Variants in SHROOM3 observed in about 807,000 individuals in gnomAD.
SHROOM3 encodes the protein protein Shroom3.
In SHROOM3, 47 loss-of-function variants were observed where a neutral mutation model predicts 138.6. The ratio of observed to expected loss-of-function variants is 0.34; its 90% confidence interval spans 0.27 to 0.43. The LOEUF is 0.43. Among genes scored for constraint, SHROOM3 ranks in the 20% least tolerant of loss-of-function variants. The pLI, the probability that SHROOM3 is intolerant of heterozygous loss-of-function variation, is 1.00. For synonymous variants in SHROOM3, 1,062 were observed against 1,063.3 expected (o/e 1.00, Z 0.02); for missense variants, 2,491 against 2,596.5 (o/e 0.96, Z 0.88).
intron 2 of SHROOM3, chr4:76,639,489 G>A (rs1735599601): frequency 2.5e-6 from 1 of 398,012 alleles, no homozygotes; most frequent in African/African-American, 2.1e-5. Context: ...TGCGTGGTGA[G>A]TAAGAGCCTC....
chr4:76,689,082 C>T, intron 2 of SHROOM3: 1 of 392,798 alleles, frequency 2.5e-6, no homozygotes, highest in Non-Finnish European at 3.5e-6. Flanking sequence ...TGATATTTTG[C>T]TTTTGGATTC....
intron 2 of SHROOM3, among the ~76,000 whole-genome samples, chr4:76,577,471 A>G (rs1367167896): frequency 6.6e-6 from 1 of 152,168 alleles, no homozygotes; most frequent in African/African-American, 2.4e-5. Flanking sequence ...AGAGGCAGCA[A>G]TAAAGGACAG....
intron 1 of SHROOM3, among the ~76,000 whole-genome samples, chr4:76,467,069 G>T (rs1296906864): frequency 2.0e-5 from 3 of 150,318 alleles, no homozygotes; most frequent in Admixed American, 6.6e-5. Flanking sequence ...TCTAGACAGG[G>T]TCTCACTCTG....
intron 3 of SHROOM3, among the ~76,000 whole-genome samples, chr4:76,721,200 A>G (rs1720541550): frequency 6.6e-6 from 1 of 150,562 alleles, no homozygotes; most frequent in Non-Finnish European, 1.5e-5. Context: ...AGTCCCAGCT[A>G]CTTGGGAGGC....
intron 2 of SHROOM3, among the ~76,000 whole-genome samples, chr4:76,615,964 G>A (rs1734866124): frequency 6.6e-6 from 1 of 152,284 alleles, no homozygotes; most frequent in Non-Finnish European, 1.5e-5. Flanking sequence ...ACTCAGAGGG[G>A]TTGTGTCTGC....
chr4:76,752,304 A>T (rs1721650578), intron 6 of SHROOM3, among the ~76,000 whole-genome samples: 1 of 152,182 alleles, frequency 6.6e-6, no homozygotes. Context: ...AGGAGGGGGA[A>T]ATGGGGAGTT....
At chr4:76,693,050 T>A (rs1351448057) in intron 2 of SHROOM3, among the ~76,000 whole-genome samples, 1 of 152,230 alleles carries the variant, frequency 6.6e-6, no homozygotes, top group Non-Finnish European at 1.5e-5. Context: ...ACATCCCACA[T>A]CTGCCTCTAG....
At chr4:76,708,384 C>CA (rs3045221) in intron 2 of SHROOM3, among the ~76,000 whole-genome samples, 3,028 of 128,878 alleles carry the variant, frequency 0.023, 43 homozygotes, top group African/African-American at 0.049. Context: ...AGACATTGTG[C>CA]AAAAAAAAAA....
chr4:76,439,104 C>T (rs563139974), intron 1 of SHROOM3, among the ~76,000 whole-genome samples: 1 of 152,316 alleles, frequency 6.6e-6, no homozygotes, highest in African/African-American at 2.4e-5. Context: ...GGGCTGTGTT[C>T]CTTGCTGGAG....
Position 76,740,423 on chromosome 4 carries a change from C to A in SHROOM3, c.2250C>A (p.His750Gln), listed in dbSNP as rs1340039671. 3.7e-6 allele frequency: 6 copies of A among 1,612,964 alleles called. 1 individual carries two copies. Among genetic ancestry groups the A allele is most frequent in the East Asian group, 2.2e-5 (1 of 44,868 alleles). The change falls in exon 5 of 11, where the codon CAC becomes CAA. Residue 750 changes from histidine (H) to glutamine (Q), a missense_variant. Transcript: ENST00000296043. This position sits in a 1 kb window ranked among gnomAD's most constrained non-coding sequence, Gnocchi z 4.0. Reference protein sequence around the residue: ...PSPEEPPAPSHPHTSSLGRRG... With the variant: ...PSPEEPPAPSQPHTSSLGRRG... ...CCGAAGAGCCGCCTGCCCCCTCGCA[C>A]CCGCACACATCCAGTCTGGGCCGGA... is the stretch of plus-strand genomic sequence containing the variant.
chr4:76,435,965 G>T lies in SHROOM3; in HGVS notation c.-88G>T. 1 of 1,445,466 alleles carries T rather than the reference G, an allele frequency of 6.9e-7. No individual in the cohort carries two copies. Among genetic ancestry groups the T allele is most frequent in the African/African-American group, 1.4e-5 (1 of 71,228 alleles). 89.5% of individuals were successfully genotyped at this position (1,445,466 alleles called of 1,614,324 possible). A position where few individuals can be genotyped will look rare whatever the true frequency, so the allele number is the denominator to read the frequency against. On this transcript the variant is annotated 5_prime_UTR_variant, in exon 1 of 11. The change creates a new upstream start codon in the 5' untranslated region. Transcript: ENST00000296043. ...TCTTTTGGCCATTGTGTGTCCTGAAGGATGGGACAACTTGTGCTGTAGAAG... is the reference window on the plus strand; with the variant it reads ...TCTTTTGGCCATTGTGTGTCCTGAATGATGGGACAACTTGTGCTGTAGAAG...
In SHROOM3 at chr4:76,692,684, T is replaced by C. The variant is rs146802577; in HGVS notation, c.324-17472T>C. On this transcript the variant is annotated intron_variant, in intron 2 of 10. Transcript: ENST00000296043. Reference sequence around the variant, plus strand: ...ACAATGAATACGACTCAGCGATCAATGGGAATGAACTCTTGATACAAAAAC... The same window carrying C: ...ACAATGAATACGACTCAGCGATCAACGGGAATGAACTCTTGATACAAAAAC... Among the ~76,000 whole-genome samples the C allele has an allele frequency of 2.0e-3, 303 of 152,240 alleles. 1 individual carries two copies. Among genetic ancestry groups the C allele is most frequent in the African/African-American group, 6.9e-3 (286 of 41,526 alleles).
intron 1 of SHROOM3, among the ~76,000 whole-genome samples, chr4:76,445,884 C>T (rs1010749997): frequency 6.6e-6 from 1 of 152,102 alleles, no homozygotes; most frequent in Non-Finnish European, 1.5e-5. Flanking sequence ...ACAGGGCTTT[C>T]CAAAAGACAA....
chr4:76,751,719 C>A (rs1721628462), intron 6 of SHROOM3, among the ~76,000 whole-genome samples: 1 of 152,142 alleles, frequency 6.6e-6, no homozygotes, highest in Admixed American at 6.5e-5. Context: ...AAAAGATGCT[C>A]AACACCACTA....
intron 9 of SHROOM3, among the ~76,000 whole-genome samples, chr4:76,768,516 A>C (rs1158630480): frequency 6.6e-6 from 1 of 152,016 alleles, no homozygotes; most frequent in Non-Finnish European, 1.5e-5. Flanking sequence ...ATGGTGCAGC[A>C]GATGTGATTT....
intron 1 of SHROOM3, among the ~76,000 whole-genome samples, chr4:76,519,606 C>T (rs990461102): frequency 1.3e-5 from 2 of 152,100 alleles, no homozygotes; most frequent in African/African-American, 4.8e-5. Context: ...AGGGCCGTTC[C>T]AGTGCTGGAG....
At chr4:76,622,559 G>A (rs555634961) in intron 2 of SHROOM3, among the ~76,000 whole-genome samples, 4 of 151,660 alleles carry the variant, frequency 2.6e-5, no homozygotes, top group East Asian at 3.9e-4. Context: ...GCAGATAAAG[G>A]CTCTTTCACT....
intron 2 of SHROOM3, among the ~76,000 whole-genome samples, chr4:76,615,450 G>A (rs1409200158): frequency 6.6e-6 from 1 of 152,180 alleles, no homozygotes; most frequent in Admixed American, 6.5e-5. Flanking sequence ...CAGAGGACCC[G>A]CTGGAGGAAT....
At chr4:76,759,755 G>C in intron 9 of SHROOM3, 60 bp downstream of exon 9, 1 of 1,575,844 alleles carries the variant, frequency 6.3e-7, no homozygotes, top group Non-Finnish European at 8.6e-7. Flanking sequence ...CAAGGTCCAT[G>C]TAATCAGCGT....
Sources: allele counts gnomAD v4.1 joint callset (sites outside exome capture counted in the v4.1 genomes callset), GRCh38; gene constraint gnomAD v4.1.1; non-coding constraint Gnocchi (gnomAD v3.1); transcripts MANE v1.5; gene names NCBI Gene and HGNC (gene_info 2026-07-23, HGNC 2026-07-21).